IGF1R: variants seen among roughly 807,000 people sequenced by gnomAD.
IGF1R encodes insulin-like growth factor 1 receptor.
A neutral mutation model predicts 144.6 loss-of-function variants in IGF1R; 44 were observed. The ratio of observed to expected loss-of-function variants is 0.30; its 90% confidence interval spans 0.24 to 0.39. The LOEUF (loss-of-function observed/expected upper bound fraction) is 0.39, where lower values mean the gene tolerates loss of function less well. Ranked by LOEUF, IGF1R falls within the 10% of genes least tolerant of loss-of-function variation. The pLI is 1.00. For synonymous variants in IGF1R, 795 were observed against 722.8 expected, an observed-to-expected ratio of 1.10 and a Z score of -1.60; for missense variants, 1,355 against 1,833.7, an observed-to-expected ratio of 0.74 and a Z score of 4.77.
intron 2 of IGF1R, among the ~76,000 whole-genome samples, chr15:98,755,801 A>G (rs2055141760): frequency 6.8e-6 from 1 of 146,958 alleles, no homozygotes. Flanking sequence ...GTGTTTTAAC[A>G]AGGAATATGT....
In IGF1R at chr15:98,661,955, C is replaced by CTT. The variant is rs1567062333; in HGVS notation, c.94+12280_94+12281insTT. Among the ~76,000 whole-genome samples, 177 of 108,218 alleles carry CTT rather than the reference C, an allele frequency of 1.6e-3. 3 individuals carry two copies. The highest frequency in any genetic ancestry group is 7.3e-3 in the African/African-American group (174 of 23,692). 71.0% of individuals were successfully genotyped at this position (108,218 alleles called of 152,430 possible). On this transcript the variant is annotated intron_variant, in intron 1 of 20. Transcript: ENST00000650285. ...GGAATTGCTGCCAGTTGAATAGGGC[C>CTT]CTTTTTTTTTTTTTTTTTTTTTTTT...
At chr15:98,730,254 C>A (rs1428141729) in intron 2 of IGF1R, among the ~76,000 whole-genome samples, 1 of 151,426 alleles carries the variant, frequency 6.6e-6, no homozygotes, top group Non-Finnish European at 1.5e-5. Context: ...TTTAACTAGA[C>A]CCACAGTAAA....
chr15:98,689,624 A>G (rs1233999534), intron 1 of IGF1R, among the ~76,000 whole-genome samples: 1 of 152,152 alleles, frequency 6.6e-6, no homozygotes, highest in Admixed American at 6.5e-5. Context: ...GTATTAGAAT[A>G]TATTGATTGC....
intron 1 of IGF1R, among the ~76,000 whole-genome samples, chr15:98,674,390 C>T (rs2052977168): frequency 6.6e-6 from 1 of 152,192 alleles, no homozygotes; most frequent in Non-Finnish European, 1.5e-5. Context: ...TCCAAGATCA[C>T]CGTCAATATC....
intron 1 of IGF1R, among the ~76,000 whole-genome samples, chr15:98,662,318 T>G (rs1262184765): frequency 6.6e-6 from 1 of 152,038 alleles, no homozygotes. Flanking sequence ...AGTGAAAGGT[T>G]TGAACCCGGA....
At chr15:98,788,108 C>G (rs1279108939) in intron 2 of IGF1R, among the ~76,000 whole-genome samples, 1 of 148,542 alleles carries the variant, frequency 6.7e-6, no homozygotes, top group South Asian at 2.1e-4. Context: ...AGTGATTTCT[C>G]TAAGTTAATA....
chr15:98,714,265 G>T (rs796200238), intron 2 of IGF1R, among the ~76,000 whole-genome samples: 4 of 152,302 alleles, frequency 2.6e-5, no homozygotes, highest in African/African-American at 9.6e-5. Context: ...GTCTTGCGGA[G>T]TAGAGGCGCT....
intron 3 of IGF1R, among the ~76,000 whole-genome samples, chr15:98,895,289 T>C (rs1432323739): frequency 6.6e-6 from 1 of 151,966 alleles, no homozygotes; most frequent in Non-Finnish European, 1.5e-5. Context: ...CCAGGTTTGA[T>C]ACTTATATCA....
intron 1 of IGF1R, among the ~76,000 whole-genome samples, chr15:98,679,028 C>T (rs2053121113): frequency 6.6e-6 from 1 of 151,636 alleles, no homozygotes; most frequent in South Asian, 2.1e-4. Flanking sequence ...CTCCAGCAAG[C>T]CTCCCACCTC....
At chr15:98,757,212 G>GT (rs2055177193) in intron 2 of IGF1R, among the ~76,000 whole-genome samples, 2 of 151,870 alleles carry the variant, frequency 1.3e-5, no homozygotes, top group Admixed American at 1.3e-4. Context: ...CCCAGGCTGT[G>GT]TAGTGCAGTG....
intron 2 of IGF1R, among the ~76,000 whole-genome samples, chr15:98,875,919 G>GAA (rs1473894640): frequency 6.6e-6 from 1 of 152,156 alleles, no homozygotes; most frequent in Non-Finnish European, 1.5e-5. Flanking sequence ...CGTCTGAAGG[G>GAA]AAAGCCCTTG....
chr15:98,915,503 C>T (rs999575904), intron 8 of IGF1R, among the ~76,000 whole-genome samples: 10 of 152,192 alleles, frequency 6.6e-5, no homozygotes, highest in Non-Finnish European at 1.5e-5. Flanking sequence ...CTTTCCACTT[C>T]CTCTTTCCAT....
intron 2 of IGF1R, among the ~76,000 whole-genome samples, chr15:98,756,255 T>G (rs1049192826): frequency 7.2e-5 from 11 of 151,962 alleles, no homozygotes; most frequent in Non-Finnish European, 1.3e-4. Context: ...ACCTGTTTTT[T>G]TTTTTTTTTT....
rs202151099 is a variant in IGF1R at position 98,800,501 on chromosome 15, T to TA, written c.641-90815dup. On this transcript the variant is annotated intron_variant, in intron 2 of 20. Coordinates refer to ENST00000650285, the MANE Select transcript of IGF1R (RefSeq NM_000875.5). ...TTACCAACAAAGAACAACCTTTGAT[T>TA]AAAAAAAAATAAAATGTCAGGGAGT... 9.3e-3 allele frequency among the ~76,000 whole-genome samples: 1,405 copies of TA among 151,046 alleles called. 5 individuals are homozygous for TA. Among genetic ancestry groups the TA allele is most frequent in the Non-Finnish European group, 0.013 (861 of 67,636 alleles).
At chr15:98,925,224 T>C (rs1472850092) in intron 13 of IGF1R, among the ~76,000 whole-genome samples, 2 of 152,166 alleles carry the variant, frequency 1.3e-5, no homozygotes, top group Admixed American at 6.5e-5. Context: ...ATTGGAAATG[T>C]ACGGTGCTCA....
chr15:98,956,200 C>T (rs1224591745), intron 20 of IGF1R, among the ~76,000 whole-genome samples: 1 of 152,264 alleles, frequency 6.6e-6, no homozygotes, highest in East Asian at 1.9e-4. Context: ...TCCCTTTGCT[C>T]CATGTGACTC....
intron 1 of IGF1R, among the ~76,000 whole-genome samples, chr15:98,676,998 C>T (rs772160309): frequency 1.1e-4 from 17 of 151,954 alleles, no homozygotes; most frequent in Admixed American, 8.5e-4. Context: ...TGCAGTGGTG[C>T]GGTCATGACT....
At position 98,707,758 on chromosome 15, in the gene IGF1R, A is replaced by C. The variant is rs778706849; in HGVS notation, c.291A>C (p.Gly97=). The C allele has an allele frequency of 3.7e-6, 6 of 1,614,136 alleles. No individual in the cohort carries two copies. Among genetic ancestry groups the C allele is most frequent in the African/African-American group, 1.3e-5 (1 of 75,020 alleles). ...LFRVAGLESL[G]DLFPNLTVIR... ...GAGTGGCTGGCCTCGAGAGCCTCGG[A>C]GACCTCTTCCCCAACCTCACGGTCA... Residue 97 remains glycine, a synonymous_variant, in exon 2 of 21, where the codon GGA becomes GGC. Transcript: ENST00000650285. The surrounding 1 kb of genome is among the most constrained non-coding windows in gnomAD (Gnocchi z 6.7).
At chr15:98,690,565 T>C (rs1432859814) in intron 1 of IGF1R, among the ~76,000 whole-genome samples, 1 of 152,272 alleles carries the variant, frequency 6.6e-6, no homozygotes, top group East Asian at 1.9e-4. Context: ...ATTTTGGCTC[T>C]CTTCCTATAG....
Sources: allele counts gnomAD v4.1 joint callset (sites outside exome capture counted in the v4.1 genomes callset), GRCh38; gene constraint gnomAD v4.1.1; non-coding constraint Gnocchi (gnomAD v3.1); transcripts MANE v1.5; gene names NCBI Gene and HGNC (gene_info 2026-07-23, HGNC 2026-07-21).